The following EML1 variants were observed in gnomAD, a reference collection of about 807,000 sequenced individuals.
The protein encoded by EML1 is echinoderm microtubule-associated protein-like 1.
In EML1, 27 loss-of-function variants were observed where a neutral mutation model predicts 110.4. That is an observed-to-expected ratio of 0.24 (90% CI 0.18 to 0.34). The LOEUF (loss-of-function observed/expected upper bound fraction) is 0.34. Ranked by LOEUF, EML1 falls within the 10% of genes least tolerant of loss-of-function variation. The pLI is 1.00. For synonymous variants in EML1, 344 were observed against 385.8 expected (o/e 0.89, Z 1.27); for missense variants, 741 against 1,030.9 (o/e 0.72, Z 3.85).
chr14:99,907,688 C>T lies in EML1; in HGVS notation c.1059C>T (p.Leu353=). The change falls in exon 10 of 22, where the codon CTC becomes CTT. Residue 353 remains leucine (L), a synonymous_variant. Coordinates refer to ENST00000262233, the MANE Select transcript of EML1 (RefSeq NM_004434.3). ...TGGATGACTCCAACGACCATGTGCT[C>T]TCTGTATGGGACTGGCAGAAAGAAG... is the stretch of plus-strand genomic sequence containing the variant. ...CAVDDSNDHV[L]SVWDWQKEEK... is the part of the protein sequence containing the mutation. 6.2e-7 allele frequency: 1 copy of T among 1,614,188 alleles called. No individual in the cohort carries two copies. The highest frequency in any genetic ancestry group is 8.5e-7 in the Non-Finnish European group (1 of 1,180,038).
At position 99,905,903 on chromosome 14, in the gene EML1, A is replaced by T. The variant is rs1266750604; in HGVS notation, c.1009-1735A>T. 6.6e-6 allele frequency among the ~76,000 whole-genome samples: 1 copy of T among 151,950 alleles called. No homozygotes were observed. Among genetic ancestry groups the T allele is most frequent in the Non-Finnish European group, 1.5e-5 (1 of 67,992 alleles). ...GACTCCTAAGTTAGGCCTCTAACCC[A>T]ATCCCATCCTTTGCCCAGGTGTGTG... On this transcript the variant is annotated intron_variant, in intron 9 of 21. Coordinates refer to ENST00000262233, the MANE Select transcript of EML1 (RefSeq NM_004434.3). The surrounding 1 kb of genome is among the most constrained non-coding windows in gnomAD (Gnocchi z 4.1).
intron 15 of EML1, chr14:99,914,944 G>C: frequency 2.0e-6 from 1 of 508,028 alleles, no homozygotes. Context: ...TTCTTTCTGA[G>C]TTCATTGTCA....
intron 1 of EML1, among the ~76,000 whole-genome samples, chr14:99,758,649 C>T (rs560552457): frequency 7.9e-5 from 12 of 152,130 alleles, no homozygotes; most frequent in Non-Finnish European, 1.0e-4. Flanking sequence ...ATTCATTAGG[C>T]GAAGAAACTG....
intron 10 of EML1, among the ~76,000 whole-genome samples, chr14:99,908,436 T>G (rs1016801424): frequency 6.6e-6 from 1 of 152,236 alleles, no homozygotes; most frequent in Admixed American, 6.5e-5. Context: ...TCACCTAACT[T>G]TCTCTGCTGC....
rs2139998115 is a variant in EML1 at position 99,894,611 on chromosome 14, T to C, written c.548-18T>C. 2 of 1,607,552 alleles carry C rather than the reference T, an allele frequency of 1.2e-6. No homozygotes were observed. Among genetic ancestry groups the C allele is most frequent in the East Asian group, 2.2e-5 (1 of 44,602 alleles). On this transcript the variant is annotated intron_variant, in intron 5 of 21. Transcript: ENST00000262233. ...TGGGCACTGAGGTATCTTACTGAAATCTTTGTTCTTTTTGTAGAAGAAGGC... is the reference window on the plus strand; with the variant it reads ...TGGGCACTGAGGTATCTTACTGAAACCTTTGTTCTTTTTGTAGAAGAAGGC...
chr14:99,788,575 T>C (rs534995240), upstream of EML1, among the ~76,000 whole-genome samples: 2 of 152,136 alleles, frequency 1.3e-5, no homozygotes, highest in Non-Finnish European at 2.9e-5. Context: ...CACTTGTGAA[T>C]AGCCACTGCA....
At chr14:99,787,460 G>A (rs2057613979) in intron 1 of EML1, among the ~76,000 whole-genome samples, 1 of 151,810 alleles carries the variant, frequency 6.6e-6, no homozygotes, top group South Asian at 2.1e-4. Context: ...TGTATTTTTA[G>A]TAGAGATGAG....
rs2059335952 is a variant in EML1, at chr14:99,878,705, A to T, written c.518+86A>T. On this transcript the variant is annotated intron_variant, in intron 4 of 21. Coordinates refer to ENST00000262233, the MANE Select transcript of EML1 (RefSeq NM_004434.3). ...GAGAGGAGTCAGAAGATCCCCTCAT[A>T]TTCCAACAAGCTGGGAGTACTCTTG... 3.3e-6 allele frequency: 5 copies of T among 1,506,534 alleles called. No individual in the cohort carries two copies. In the East Asian group the frequency reaches 9.2e-5, roughly 28 times the overall value. The allele number at this position is 1,506,534 out of a possible 1,614,324, so 93.3% of individuals were successfully genotyped here.
intron 17 of EML1, among the ~76,000 whole-genome samples, chr14:99,933,490 C>G (rs2060411018): frequency 6.6e-6 from 1 of 152,180 alleles, no homozygotes; most frequent in Non-Finnish European, 1.5e-5. Context: ...GGGGTAGTTC[C>G]TTGAGACCTT....
intron 1 of EML1, among the ~76,000 whole-genome samples, chr14:99,818,124 C>G (rs1595335346): frequency 1.3e-5 from 2 of 151,678 alleles, no homozygotes; most frequent in Admixed American, 6.6e-5. Flanking sequence ...GGTGGGGGCT[C>G]AGGGATAAGA....
intron 1 of EML1, among the ~76,000 whole-genome samples, chr14:99,814,493 G>C (rs2058134765): frequency 1.3e-5 from 2 of 152,000 alleles, no homozygotes; most frequent in Admixed American, 1.3e-4. Context: ...TCAAACTCCT[G>C]GTCTCAAGTG....
intron 1 of EML1, among the ~76,000 whole-genome samples, chr14:99,822,416 T>C (rs1205481441): frequency 6.6e-6 from 1 of 152,176 alleles, no homozygotes; most frequent in Non-Finnish European, 1.5e-5. Context: ...ATTTGTAAGC[T>C]CCATTCACAG....
At chr14:99,938,565 C>G (rs2140140427) in intron 20 of EML1, among the ~76,000 whole-genome samples, 1 of 152,208 alleles carries the variant, frequency 6.6e-6, no homozygotes, top group Non-Finnish European at 1.5e-5. Context: ...CGTCCCCCAC[C>G]CACCCATTCT....
At chr14:99,776,016 GCTGT>G (rs1178707293) in intron 1 of EML1, among the ~76,000 whole-genome samples, 1 of 152,102 alleles carries the variant, frequency 6.6e-6, no homozygotes, top group Non-Finnish European at 1.5e-5. Flanking sequence ...CAAAACTATG[GCTGT>G]CTTTTAAGAA....
intron 1 of EML1, among the ~76,000 whole-genome samples, chr14:99,794,832 T>C (rs371228312): frequency 7.0e-4 from 107 of 152,316 alleles, no homozygotes; most frequent in African/African-American, 2.4e-3. Flanking sequence ...GCAGGTAGAA[T>C]GTATTTGGTA....
At chr14:99,808,079 C>G (rs989155065) in intron 1 of EML1, among the ~76,000 whole-genome samples, 1 of 152,146 alleles carries the variant, frequency 6.6e-6, no homozygotes, top group African/African-American at 2.4e-5. Context: ...TCCCGGATTA[C>G]TTGGTCTTTC....
intron 1 of EML1, among the ~76,000 whole-genome samples, chr14:99,738,688 A>G (rs374682271): frequency 5.1e-4 from 78 of 152,250 alleles, no homozygotes; most frequent in South Asian, 2.9e-3. Context: ...TAACCCCCCA[A>G]TGGCTGTGAA....
intron 4 of EML1, 21 bp downstream of exon 4, chr14:99,878,640 A>G: frequency 6.2e-7 from 1 of 1,609,014 alleles, no homozygotes; most frequent in Non-Finnish European, 8.5e-7. Flanking sequence ...CTTATCTCTC[A>G]GTTCCTGCTG....
At chr14:99,816,783 G>C (rs974847630) in intron 1 of EML1, among the ~76,000 whole-genome samples, 1 of 152,250 alleles carries the variant, frequency 6.6e-6, no homozygotes, top group African/African-American at 2.4e-5. Flanking sequence ...CATTTGGATG[G>C]AGCTGTGTGT....
Sources: allele counts gnomAD v4.1 joint callset (sites outside exome capture counted in the v4.1 genomes callset), GRCh38; gene constraint gnomAD v4.1.1; non-coding constraint Gnocchi (gnomAD v3.1); transcripts MANE v1.5; gene names NCBI Gene and HGNC (gene_info 2026-07-23, HGNC 2026-07-21).